UACA: variants seen among roughly 807,000 people sequenced by gnomAD.
The protein encoded by UACA is uveal autoantigen with coiled-coil domains and ankyrin repeats.
A neutral mutation model predicts 160.5 loss-of-function variants in UACA; 112 were observed. The ratio of observed to expected loss-of-function variants is 0.70; its 90% CI spans 0.60 to 0.82. UACA has a LOEUF of 0.82. UACA is among the 40% of genes least tolerant of loss of function. The probability of loss-of-function intolerance (pLI) is 0.00; values close to 1 mark genes in which losing one functional copy is unlikely to be tolerated. For missense variants in UACA, 1,574 were observed against 1,614.6 expected, an observed-to-expected ratio of 0.97 and a Z score of 0.43; for synonymous variants, 557 against 568.4, an observed-to-expected ratio of 0.98 and a Z score of 0.29.
chr15:70,677,234 T>C (rs1897328194), intron 11 of UACA, 94 bp from the exon 12 acceptor site: 9 of 950,604 alleles, frequency 9.5e-6, no homozygotes, highest in Non-Finnish European at 1.5e-5. Context: ...GATTGGCAAA[T>C]GTCTTTAAGA....
chr15:70,776,497 A>G, the UACA span, among the ~76,000 whole-genome samples: 1 of 144,612 alleles, frequency 6.9e-6, no homozygotes, highest in Non-Finnish European at 1.5e-5. Context: ...GCGTGATCTC[A>G]GCTCACTGCA....
chr15:70,763,609 C>T (rs549489480), upstream of UACA: 2 of 1,140,438 alleles, frequency 1.8e-6, no homozygotes, highest in South Asian at 4.5e-5. Context: ...GCTGCCCTGG[C>T]GGGGGCGTGG....
At chr15:70,770,833 T>C in the UACA span, among the ~76,000 whole-genome samples, 2 of 152,210 alleles carry the variant, frequency 1.3e-5, no homozygotes, top group African/African-American at 2.4e-5. Context: ...CATGAACTTT[T>C]TGGCTCATAA....
chr15:70,768,828 C>T, the UACA span, among the ~76,000 whole-genome samples: 1 of 152,168 alleles, frequency 6.6e-6, no homozygotes. Flanking sequence ...TAAAATATGG[C>T]AGATAAAGGC....
intron 4 of UACA, 59 bp downstream of exon 4, chr15:70,691,240 A>C: frequency 8.1e-7 from 1 of 1,236,866 alleles, no homozygotes; most frequent in South Asian, 1.4e-5. Flanking sequence ...ACACATTAAA[A>C]GTACATCTAT....
chr15:70,775,227 G>A, the UACA span, among the ~76,000 whole-genome samples: 2 of 151,890 alleles, frequency 1.3e-5, no homozygotes, highest in Non-Finnish European at 2.9e-5. Context: ...GGAATTGGGG[G>A]GCTAATTTAT....
intron 1 of UACA, chr15:70,703,339 T>C (rs1386831499): frequency 8.4e-7 from 1 of 1,194,002 alleles, no homozygotes; most frequent in Non-Finnish European, 1.1e-6. Flanking sequence ...ATATTATAGA[T>C]CATGCTGCCA....
At chr15:70,694,774 T>C (rs1015152791) in intron 3 of UACA, among the ~76,000 whole-genome samples, 9 of 152,130 alleles carry the variant, frequency 5.9e-5, no homozygotes, top group African/African-American at 2.2e-4. Context: ...GTAACACTAC[T>C]AGGACCTGCA....
At chr15:70,722,877 G>A (rs1226573052) in intron 1 of UACA, among the ~76,000 whole-genome samples, 6 of 151,996 alleles carry the variant, frequency 3.9e-5, no homozygotes, top group African/African-American at 1.2e-4. Context: ...AAAAAATTAA[G>A]GTGGCACCAC....
the UACA span, among the ~76,000 whole-genome samples, chr15:70,774,704 T>C: frequency 6.6e-6 from 1 of 152,040 alleles, no homozygotes; most frequent in African/African-American, 2.4e-5. Flanking sequence ...TTTGCCCATA[T>C]AGAAAAAAAC....
Position 70,669,595 on chromosome 15 carries a change from A to G in UACA, c.1222-133T>C. On this transcript the variant is annotated intron_variant, in intron 15 of 18. Coordinates refer to ENST00000322954, the MANE Select transcript of UACA (RefSeq NM_018003.4). The stretch of plus-strand genomic sequence containing the variant: ...GTTTTCAGATTAGGCAGTAAGATGG[A>G]AAAAAAATCACAATGCTGATTTTTG... 4.7e-6 allele frequency: 3 copies of G among 638,890 alleles called. No individual in the cohort carries two copies. In the East Asian group the frequency reaches 8.9e-5, roughly 19 times the overall value. The allele number at this position is 638,890 out of a possible 1,614,324, so 39.6% of individuals were successfully genotyped here. A position where few individuals can be genotyped will look rare whatever the true frequency, so the allele number is the denominator to read the frequency against.
intron 17 of UACA, among the ~76,000 whole-genome samples, chr15:70,663,532 T>A (rs1896793986): frequency 6.6e-6 from 1 of 152,066 alleles, no homozygotes; most frequent in Admixed American, 6.6e-5. Flanking sequence ...GGATTATAGA[T>A]CATGCTGCTA....
chr15:70,684,217 G>T (rs144550901), intron 8 of UACA, 48 bp downstream of exon 8: 1 of 1,502,996 alleles, frequency 6.7e-7, no homozygotes, highest in Admixed American at 2.2e-5. Flanking sequence ...TTTAAAAAGT[G>T]GCTCTTTGTT....
intron 12 of UACA, 41 bp downstream of exon 12, chr15:70,677,067 C>G: frequency 6.5e-7 from 1 of 1,543,160 alleles, no homozygotes; most frequent in Non-Finnish European, 8.9e-7. Flanking sequence ...TCTTCAATTC[C>G]TAAAACAATT....
chr15:70,664,416 G>A (rs1202948994), intron 17 of UACA, among the ~76,000 whole-genome samples: 2 of 152,160 alleles, frequency 1.3e-5, no homozygotes, highest in Non-Finnish European at 2.9e-5. Flanking sequence ...TGCTTTGTGA[G>A]ATCATGATGA....
chr15:70,660,414 C>T, intron 17 of UACA, 198 bp from the exon 18 acceptor site: 1 of 526,544 alleles, frequency 1.9e-6, no homozygotes, highest in South Asian at 2.8e-5. Flanking sequence ...GAATGTGTGG[C>T]TAATGACAGT....
At chr15:70,695,976 A>G (rs1186677653) in intron 2 of UACA, among the ~76,000 whole-genome samples, 1 of 152,188 alleles carries the variant, frequency 6.6e-6, no homozygotes, top group East Asian at 1.9e-4. Flanking sequence ...TACTCTACAA[A>G]TCCAAACAGG....
intron 18 of UACA, among the ~76,000 whole-genome samples, chr15:70,657,607 G>T (rs751618846): frequency 1.3e-5 from 2 of 151,646 alleles, no homozygotes; most frequent in South Asian, 4.2e-4. Context: ...AAAACAAAAA[G>T]ACTAGTGCAC....
chr15:70,693,399 A>T (rs1898009858), intron 3 of UACA, among the ~76,000 whole-genome samples: 1 of 152,176 alleles, frequency 6.6e-6, no homozygotes, highest in Non-Finnish European at 1.5e-5. Context: ...CATTTTAAAT[A>T]CACTTTAATA....
Sources: gnomAD v4.1 joint callset for allele counts (sites outside exome capture counted in the v4.1 genomes callset) on GRCh38, gnomAD v4.1.1 for gene constraint, MANE v1.5 for transcripts, NCBI Gene and HGNC (gene_info 2026-07-23, HGNC 2026-07-21) for gene names.